SNX18: variants seen among roughly 807,000 people sequenced by gnomAD.
SNX18 encodes sorting nexin-18.
SNX18 carries 35 observed loss-of-function variants against 48.7 expected under a neutral mutation model. The ratio of observed to expected loss-of-function variants is 0.72; its 90% confidence interval spans 0.55 to 0.95. SNX18 has a LOEUF of 0.95. SNX18 is among the 40% of genes least tolerant of loss of function. The pLI is 0.00. For missense variants in SNX18, 824 were observed against 871.0 expected (o/e 0.95, Z 0.68); for synonymous variants, 492 against 384.7 (o/e 1.28, Z -3.26).
At chr5:54,556,078 C>A in the SNX18 span, among the ~76,000 whole-genome samples, 1 of 152,176 alleles carries the variant, frequency 6.6e-6, no homozygotes, top group Non-Finnish European at 1.5e-5. Context: ...AAATCTTCAA[C>A]ATCCATAGTA....
chr5:54,638,327 A>T, the SNX18 span, among the ~76,000 whole-genome samples: 8 of 152,140 alleles, frequency 5.3e-5, no homozygotes, highest in Non-Finnish European at 1.2e-4. Context: ...AGGGGGAGGG[A>T]CTTGGAGACA....
the SNX18 span, among the ~76,000 whole-genome samples, chr5:54,581,521 T>A: frequency 6.6e-6 from 1 of 152,046 alleles, no homozygotes; most frequent in African/African-American, 2.4e-5. Context: ...ACGTCTGGCG[T>A]TCCCACCAGA....
the SNX18 span, among the ~76,000 whole-genome samples, chr5:54,639,857 C>T: frequency 0.56 from 84,442 of 151,940 alleles, 24,756 homozygotes; most frequent in African/African-American, 0.74. Flanking sequence ...TATGCAAGGG[C>T]ATTATGTATC....
At chr5:54,641,045 G>C in the SNX18 span, among the ~76,000 whole-genome samples, 729 of 152,150 alleles carry the variant, frequency 4.8e-3, 5 homozygotes, top group African/African-American at 0.017. Context: ...GCACGACAAA[G>C]CAAGAATCTG....
intron 1 of SNX18, chr5:54,520,477 T>A (rs1028226778): frequency 6.0e-6 from 1 of 167,186 alleles, no homozygotes; most frequent in African/African-American, 2.4e-5. Context: ...AGGGAGGCAG[T>A]CTTGCCTGTG....
the SNX18 span, among the ~76,000 whole-genome samples, chr5:54,633,923 A>G: frequency 6.6e-6 from 1 of 152,182 alleles, no homozygotes; most frequent in Admixed American, 6.5e-5. Context: ...TTGTTGGCTT[A>G]CTTGTCCAGA....
At chr5:54,542,921 G>GA (rs1244468818) in intron 1 of SNX18, among the ~76,000 whole-genome samples, 1 of 152,146 alleles carries the variant, frequency 6.6e-6, no homozygotes, top group Non-Finnish European at 1.5e-5. Flanking sequence ...GAAGAGATGG[G>GA]ATACTACAGA....
chr5:54,568,096 A>G, the SNX18 span, among the ~76,000 whole-genome samples: 1 of 152,234 alleles, frequency 6.6e-6, no homozygotes, highest in South Asian at 2.1e-4. Flanking sequence ...GTGTGTGTGC[A>G]AGTCACAAGG....
At chr5:54,603,227 TAA>T in the SNX18 span, among the ~76,000 whole-genome samples, 3 of 98,674 alleles carry the variant, frequency 3.0e-5, no homozygotes, top group South Asian at 4.2e-4. Context: ...GGAAATTATT[TAA>T]AAATATATAT....
At chr5:54,623,289 T>C in the SNX18 span, among the ~76,000 whole-genome samples, 1 of 152,148 alleles carries the variant, frequency 6.6e-6, no homozygotes, top group African/African-American at 2.4e-5. Flanking sequence ...CAGGCTTTGC[T>C]CTTTTTCTGA....
At chr5:54,619,403 C>T in the SNX18 span, among the ~76,000 whole-genome samples, 5 of 151,968 alleles carry the variant, frequency 3.3e-5, no homozygotes, top group African/African-American at 7.3e-5. Context: ...CCCAACTACT[C>T]GGGAGGCTGA....
chr5:54,543,122 T>A, intron 1 of SNX18, 57 bp from the exon 2 acceptor site: 1 of 1,524,344 alleles, frequency 6.6e-7, no homozygotes, highest in East Asian at 2.3e-5. Context: ...TATGTAGTTA[T>A]GTTCTTGGGA....
intron 1 of SNX18, among the ~76,000 whole-genome samples, chr5:54,525,807 A>G (rs1220730334): frequency 6.6e-6 from 1 of 152,070 alleles, no homozygotes; most frequent in Non-Finnish European, 1.5e-5. Flanking sequence ...TATCCAGGAA[A>G]CTTTTAGACA....
the SNX18 span, among the ~76,000 whole-genome samples, chr5:54,636,691 G>C: frequency 2.0e-5 from 3 of 152,150 alleles, no homozygotes; most frequent in African/African-American, 7.2e-5. Flanking sequence ...CTGCTAAGTG[G>C]AATGTTCATC....
At chr5:54,539,970 G>T (rs1489343584) in intron 1 of SNX18, among the ~76,000 whole-genome samples, 1 of 151,818 alleles carries the variant, frequency 6.6e-6, no homozygotes, top group Non-Finnish European at 1.5e-5. Flanking sequence ...CTCCCGGGTT[G>T]AAGTGATTCT....
the SNX18 span, among the ~76,000 whole-genome samples, chr5:54,574,522 G>A: frequency 6.6e-6 from 1 of 152,160 alleles, no homozygotes; most frequent in Non-Finnish European, 1.5e-5. Context: ...CTTTACTCTG[G>A]AGGGGGATTC....
chr5:54,569,095 A>G, the SNX18 span, among the ~76,000 whole-genome samples: 1 of 151,950 alleles, frequency 6.6e-6, no homozygotes, highest in African/African-American at 2.4e-5. Context: ...TACCCACCTT[A>G]GCCTCCCAAA....
chr5:54,600,928 G>A, the SNX18 span, among the ~76,000 whole-genome samples: 23 of 152,214 alleles, frequency 1.5e-4, no homozygotes, highest in African/African-American at 5.3e-4. Flanking sequence ...AACCACTATG[G>A]CACACTTTTA....
chr5:54,557,089 A>G, the SNX18 span, among the ~76,000 whole-genome samples: 2 of 152,206 alleles, frequency 1.3e-5, no homozygotes, highest in Non-Finnish European at 2.9e-5. Context: ...CACAGAATCA[A>G]TGGCAAGGAA....
Sources: gnomAD v4.1 joint callset for allele counts (sites outside exome capture counted in the v4.1 genomes callset) on GRCh38, gnomAD v4.1.1 for gene constraint, MANE v1.5 for transcripts, NCBI Gene and HGNC (gene_info 2026-07-23, HGNC 2026-07-21) for gene names.